The following RPE65 variants were observed in gnomAD, a reference collection of about 807,000 sequenced individuals.
RPE65 encodes retinoid isomerohydrolase.
Under a neutral mutation model 68.5 loss-of-function variants are expected in RPE65, and 58 were observed. The ratio of observed to expected loss-of-function variants is 0.85; its 90% confidence interval spans 0.69 to 1.05. The LOEUF (loss-of-function observed/expected upper bound fraction) is 1.05. Ranked by LOEUF, RPE65 falls within the 50% of genes least tolerant of loss-of-function variation. The pLI is 0.00. For missense variants in RPE65, 643 were observed against 629.9 expected, an observed-to-expected ratio of 1.02 and a Z score of -0.22; for synonymous variants, 220 against 222.2, an observed-to-expected ratio of 0.99 and a Z score of 0.09.
At position 68,431,262 on chromosome 1, in the gene RPE65, T is replaced by G. The variant is rs12564647; in HGVS notation, c.1338+20A>C. On this transcript the variant is annotated intron_variant, in intron 12 of 13. Transcript: ENST00000262340. ...TATACTCAAAGCACTGTTCAAATAT[T>G]AGTAAGAAGGATTAATTACCCTATC... The G allele has an allele frequency of 0.036, 58,606 of 1,611,388 alleles. 4,456 individuals carry two copies. In the East Asian group the frequency reaches 0.37, roughly 10 times the overall value.
rs555645891 is a variant in RPE65 at position 68,444,437 on chromosome 1, A to G, written c.495+94T>C. The G allele has an allele frequency of 2.5e-3, 3,724 of 1,491,906 alleles. 6 individuals are homozygous for G. The highest frequency in any genetic ancestry group is 3.2e-3 in the Non-Finnish European group (3,450 of 1,071,434). 92.4% of individuals were successfully genotyped at this position (1,491,906 alleles called of 1,614,324 possible). A position where few individuals can be genotyped will look rare whatever the true frequency, so the allele number is the denominator to read the frequency against. On this transcript the variant is annotated intron_variant, in intron 5 of 13. Coordinates refer to ENST00000262340, the MANE Select transcript of RPE65 (RefSeq NM_000329.3). ...TCATTCTGTGTGTCCTCATCAAGTT[A>G]GAATCATACATTCGCAGCATGAATA...
intron 10 of RPE65, among the ~76,000 whole-genome samples, chr1:68,431,848 G>A (rs1645829443): frequency 1.3e-5 from 2 of 151,626 alleles, no homozygotes; most frequent in South Asian, 2.1e-4. Context: ...GACCATCCTT[G>A]AAGAAAATTT....
At chr1:68,443,170 C>G (rs186525196) in intron 5 of RPE65, among the ~76,000 whole-genome samples, 96 of 152,312 alleles carry the variant, frequency 6.3e-4, no homozygotes, top group Middle Eastern at 3.4e-3. Context: ...GCCAATTATT[C>G]AAGCTTTTAA....
intron 10 of RPE65, among the ~76,000 whole-genome samples, chr1:68,434,099 T>C (rs1457175918): frequency 1.4e-5 from 2 of 138,570 alleles, no homozygotes; most frequent in African/African-American, 2.8e-5. Context: ...GGGATATATA[T>C]ATATATATAT....
Position 68,429,749 on chromosome 1 carries a change from C to T in RPE65, c.*27G>A, listed in dbSNP as rs752013197. 9.3e-6 allele frequency: 15 copies of T among 1,612,950 alleles called. No homozygotes were observed. In the East Asian group the frequency reaches 2.9e-4, roughly 31 times the overall value. ...GAAGCTGATTTTCTCAGTTTTGCTACCAAAAACATATCTTGCTGGAGTATG... is the reference window on the plus strand; with the variant it reads ...GAAGCTGATTTTCTCAGTTTTGCTATCAAAAACATATCTTGCTGGAGTATG... On this transcript the variant is annotated 3_prime_UTR_variant, in exon 14 of 14. Transcript: ENST00000262340.
intron 2 of RPE65, 24 bp from the exon 3 acceptor site, chr1:68,446,884 A>T: frequency 1.2e-6 from 2 of 1,612,620 alleles, no homozygotes; most frequent in Non-Finnish European, 1.7e-6. Flanking sequence ...GAGACAGAAC[A>T]TTGCTTCTTA....
intron 6 of RPE65, 138 bp downstream of exon 6, chr1:68,440,715 G>T: frequency 1.9e-6 from 2 of 1,080,132 alleles, no homozygotes; most frequent in Non-Finnish European, 2.7e-6. Flanking sequence ...GTAGGGATGA[G>T]GGCAGTACTT....
intron 2 of RPE65, 101 bp from the exon 3 acceptor site, chr1:68,446,961 C>T: frequency 6.1e-6 from 9 of 1,466,668 alleles, no homozygotes; most frequent in Non-Finnish European, 8.6e-6. Flanking sequence ...TGGGCAGCTT[C>T]TTCCTCATAG....
In RPE65 at chr1:68,439,223, T is replaced by C. The variant is rs752534184; in HGVS notation, c.826A>G (p.Met276Val). Residue 276 changes from methionine to valine, a missense_variant, in exon 8 of 14, where the codon ATG (methionine) becomes GTG (valine). Met to Val is a conservative substitution (Grantham distance 21, BLOSUM62 1). Coordinates refer to ENST00000262340, the MANE Select transcript of RPE65 (RefSeq NM_000329.3). The part of the protein sequence containing the change: ...SSWSLWGANY[M>V]DCFESNETMG... ...GTTTCATTGGACTCAAAACAATCCA[T>C]GTAGTTGGCTCCCCAAAGACTCCAT... is the stretch of plus-strand genomic sequence containing the variant. 1.9e-6 allele frequency: 3 copies of C among 1,614,098 alleles called. No homozygotes were observed. The South Asian group carries it at 3.3e-5, about 18-fold the overall frequency.
chr1:68,445,708 G>A (rs549427236), intron 3 of RPE65, among the ~76,000 whole-genome samples: 2 of 151,998 alleles, frequency 1.3e-5, no homozygotes, highest in Non-Finnish European at 2.9e-5. Context: ...TAGAGACGGG[G>A]TTTCACCATG....
chr1:68,430,938 C>T (rs1645821167), intron 13 of RPE65, 127 bp downstream of exon 13: 8 of 763,058 alleles, frequency 1.0e-5, no homozygotes, highest in Non-Finnish European at 1.8e-5. Context: ...TTCAGTACTG[C>T]TCTATTTATA....
At chr1:68,444,414 A>C in intron 5 of RPE65, 117 bp downstream of exon 5, 2 of 1,341,570 alleles carry the variant, frequency 1.5e-6, no homozygotes, top group Non-Finnish European at 2.1e-6. Context: ...TGGAATGGTC[A>C]TTCTGTGTGT....
chr1:68,447,594 G>C (rs966062730), intron 2 of RPE65, among the ~76,000 whole-genome samples: 1 of 152,184 alleles, frequency 6.6e-6, no homozygotes, highest in Non-Finnish European at 1.5e-5. Context: ...GGGCGCGGTG[G>C]CTCGCGCTTG....
Position 68,431,470 on chromosome 1 carries a change from C to T in RPE65, c.1243+1G>A, listed in dbSNP as rs1421696563. On this transcript the variant is annotated splice_donor_variant, in intron 11 of 13. Transcript: ENST00000262340. LOFTEE classifies it high-confidence loss of function. ...GTGAAGTTTTCTCTAGATCATCTCACCTTGACGAGGCCCTGAAAAGAGAAC... is the reference window on the plus strand; with the variant it reads ...GTGAAGTTTTCTCTAGATCATCTCATCTTGACGAGGCCCTGAAAAGAGAAC... 6.2e-7 allele frequency: 1 copy of T among 1,613,814 alleles called. No individual in the cohort carries two copies. Among genetic ancestry groups the T allele is most frequent in the Non-Finnish European group, 8.5e-7 (1 of 1,179,806 alleles).
intron 9 of RPE65, among the ~76,000 whole-genome samples, chr1:68,438,537 A>G (rs779013292): frequency 1.3e-5 from 2 of 152,022 alleles, no homozygotes; most frequent in Non-Finnish European, 2.9e-5. Flanking sequence ...GCCTTGAGAT[A>G]CTTTCTGTTC....
chr1:68,440,477 T>C (rs894110293), intron 6 of RPE65, among the ~76,000 whole-genome samples: 19 of 152,220 alleles, frequency 1.2e-4, no homozygotes, highest in African/African-American at 4.3e-4. Context: ...TATGTATGTA[T>C]GCTATTATGC....
At chr1:68,438,071 G>A (rs1645873490) in intron 10 of RPE65, 116 bp downstream of exon 10, 2 of 1,271,168 alleles carry the variant, frequency 1.6e-6, no homozygotes, top group Non-Finnish European at 2.2e-6. Context: ...TATTTTTAAA[G>A]CTCCTTCTAG....
chr1:68,437,109 A>G (rs1645867883), intron 10 of RPE65, among the ~76,000 whole-genome samples: 2 of 152,166 alleles, frequency 1.3e-5, no homozygotes. Flanking sequence ...AGATCTAATC[A>G]TGTCCTAAAA....
At chr1:68,438,785 A>G (rs2100818008) in intron 9 of RPE65, among the ~76,000 whole-genome samples, 157 bp downstream of exon 9, 1 of 152,300 alleles carries the variant, frequency 6.6e-6, no homozygotes, top group African/African-American at 2.4e-5. Context: ...TGTTCAGATT[A>G]CCTAAACTTC....
Sources: allele counts gnomAD v4.1 joint callset (sites outside exome capture counted in the v4.1 genomes callset), GRCh38; gene constraint gnomAD v4.1.1; transcripts MANE v1.5; gene names NCBI Gene and HGNC (gene_info 2026-07-23, HGNC 2026-07-21).